C10orf90: variants seen among roughly 807,000 people sequenced by gnomAD.
C10orf90 encodes chromosome 10 open reading frame 90.
Under a neutral mutation model 62.5 loss-of-function variants are expected in C10orf90, and 56 were observed. The observed-to-expected ratio is 0.90, with a 90% confidence interval of 0.72 to 1.12. The LOEUF is 1.12. Among genes scored for constraint, C10orf90 ranks in the 50% most tolerant of loss-of-function variants. The pLI, the probability that C10orf90 is intolerant of heterozygous loss-of-function variation, is 0.00. For missense variants in C10orf90, 970 were observed against 880.4 expected (o/e 1.10, Z -1.29); for synonymous variants, 386 against 340.4 (o/e 1.13, Z -1.47).
chr10:126,493,874 C>G (rs1235225328), intron 4 of C10orf90, among the ~76,000 whole-genome samples: 1 of 152,214 alleles, frequency 6.6e-6, no homozygotes, highest in Non-Finnish European at 1.5e-5. Context: ...CGTAAATTCT[C>G]CCTGATGTCT....
Position 126,425,095 on chromosome 10 carries a change from A to G in C10orf90, c.*769T>C, listed in dbSNP as rs1044959433. 6.6e-6 allele frequency: 1 copy of G among 152,254 alleles called. No individual in the cohort carries two copies. Among genetic ancestry groups the G allele is most frequent in the African/African-American group, 2.4e-5 (1 of 41,472 alleles). The allele number at this position is 152,254 out of a possible 1,614,324, so 9.4% of individuals were successfully genotyped here. A position where few individuals can be genotyped will look rare whatever the true frequency, so the allele number is the denominator to read the frequency against. On this transcript the variant is annotated 3_prime_UTR_variant, in exon 10 of 10. Coordinates refer to ENST00000488181, the MANE Select transcript of C10orf90 (RefSeq NM_001350921.2). The stretch of plus-strand genomic sequence containing the variant: ...GACATATTTATAAATAATGTGTATT[A>G]TAAACATTTGGAAGAACAGACAGCA...
At chr10:126,482,366 G>T (rs182536163) in intron 4 of C10orf90, among the ~76,000 whole-genome samples, 33 of 152,296 alleles carry the variant, frequency 2.2e-4, no homozygotes, top group Admixed American at 1.9e-3. Context: ...CAATTGCCAT[G>T]AGCAACAATG....
chr10:126,449,793 T>C (rs1859048458), intron 7 of C10orf90, among the ~76,000 whole-genome samples: 2 of 151,928 alleles, frequency 1.3e-5, no homozygotes, highest in African/African-American at 2.4e-5. Flanking sequence ...GGTCAGGAGT[T>C]TGAAACGAGC....
Position 126,429,958 on chromosome 10 carries a change from C to T in C10orf90, c.2189-108G>A, listed in dbSNP as rs1857476717. 4.0e-6 allele frequency: 4 copies of T among 991,800 alleles called. No homozygotes were observed. The South Asian group carries it at 5.8e-5, about 14-fold the overall frequency. The allele number at this position is 991,800 out of a possible 1,614,324, so 61.4% of individuals were successfully genotyped here. ...TCCGTTAATTGATCCTTATTCTAAG[C>T]CATATCCTGAGTCTAAGCAGAACTC... On this transcript the variant is annotated intron_variant, in intron 7 of 9. Coordinates refer to ENST00000488181, the MANE Select transcript of C10orf90 (RefSeq NM_001350921.2).
intron 2 of C10orf90, among the ~76,000 whole-genome samples, chr10:126,617,413 G>A (rs1845563070): frequency 6.6e-6 from 1 of 152,184 alleles, no homozygotes. Context: ...CTAAATACCT[G>A]CTCAGGGATA....
chr10:126,663,597 G>T (rs1374302870), intron 1 of C10orf90, among the ~76,000 whole-genome samples: 2 of 152,074 alleles, frequency 1.3e-5, no homozygotes, highest in African/African-American at 4.8e-5. Context: ...TGCACGCAGT[G>T]GTCCTGGCTT....
chr10:126,556,334 G>A (rs775526224), intron 2 of C10orf90, among the ~76,000 whole-genome samples: 1 of 152,174 alleles, frequency 6.6e-6, no homozygotes, highest in Non-Finnish European at 1.5e-5. Context: ...ACTCTGCAAA[G>A]GGCGCTCCCT....
chr10:126,644,396 C>A (rs1172305062), intron 2 of C10orf90, among the ~76,000 whole-genome samples: 1 of 152,232 alleles, frequency 6.6e-6, no homozygotes. Flanking sequence ...CGGGAAGACA[C>A]AGAAAACATG....
intron 2 of C10orf90, among the ~76,000 whole-genome samples, chr10:126,582,199 T>C (rs1591119112): frequency 6.6e-6 from 1 of 152,188 alleles, no homozygotes; most frequent in Non-Finnish European, 1.5e-5. Flanking sequence ...AGGGACTTTG[T>C]GGTATGTAAC....
chr10:126,587,232 G>A (rs539461193), intron 2 of C10orf90, among the ~76,000 whole-genome samples: 1 of 152,274 alleles, frequency 6.6e-6, no homozygotes, highest in East Asian at 1.9e-4. Flanking sequence ...GGGATCTGGG[G>A]CATTTAAAGA....
At chr10:126,446,085 A>T (rs997052568) in intron 7 of C10orf90, among the ~76,000 whole-genome samples, 53 of 152,158 alleles carry the variant, frequency 3.5e-4, no homozygotes, top group African/African-American at 1.3e-3. Context: ...GTACATCAAA[A>T]TCTCACAAAT....
chr10:126,455,247 C>T (rs1036554815), intron 7 of C10orf90, among the ~76,000 whole-genome samples: 14 of 152,168 alleles, frequency 9.2e-5, no homozygotes, highest in African/African-American at 3.4e-4. Flanking sequence ...CCGCCCATCC[C>T]CATTTTACCA....
chr10:126,503,951 A>G lies in C10orf90; in HGVS notation c.1534+6T>C, dbSNP rs773977724. The G allele has an allele frequency of 1.9e-5, 31 of 1,604,326 alleles. No homozygotes were observed. In the Middle Eastern group the frequency reaches 1.5e-3, roughly 78 times the overall value. ...TCACCCTCCTGCAGATGGACGCACC[A>G]CTCACCTGCCCTGTAACTCCAGCCA... On this transcript the variant is annotated splice_donor_region_variant and intron_variant, in intron 4 of 9. Transcript: ENST00000488181.
intron 2 of C10orf90, among the ~76,000 whole-genome samples, chr10:126,575,813 G>T (rs1489938631): frequency 2.6e-5 from 4 of 152,000 alleles, no homozygotes; most frequent in Admixed American, 2.6e-4. Flanking sequence ...AAGGTGCCAA[G>T]AACACTCATT....
chr10:126,645,441 C>T (rs976823115), intron 2 of C10orf90, among the ~76,000 whole-genome samples: 7 of 151,056 alleles, frequency 4.6e-5, no homozygotes, highest in Non-Finnish European at 8.9e-5. Context: ...AACAAAACAA[C>T]TAGCTAGGGA....
intron 2 of C10orf90, among the ~76,000 whole-genome samples, chr10:126,598,149 G>T (rs1307189902): frequency 6.6e-6 from 1 of 152,168 alleles, no homozygotes; most frequent in African/African-American, 2.4e-5. Context: ...AACTGTCCTA[G>T]GGATCTCAAT....
chr10:126,612,403 C>T (rs1429724969), intron 2 of C10orf90, among the ~76,000 whole-genome samples: 2 of 152,106 alleles, frequency 1.3e-5, no homozygotes, highest in Admixed American at 6.5e-5. Context: ...AACACATTTC[C>T]ATCATTGTAG....
At chr10:126,539,108 G>A (rs1009347263) in intron 2 of C10orf90, among the ~76,000 whole-genome samples, 1 of 152,212 alleles carries the variant, frequency 6.6e-6, no homozygotes, top group African/African-American at 2.4e-5. Flanking sequence ...AGTCCCCACA[G>A]TCCCAGCTCA....
intron 1 of C10orf90, among the ~76,000 whole-genome samples, chr10:126,659,977 G>A (rs978426589): frequency 3.3e-5 from 5 of 152,266 alleles, no homozygotes; most frequent in Admixed American, 6.5e-5. Flanking sequence ...CACATGGTGA[G>A]CTAGAGCAGA....
Sources: allele counts gnomAD v4.1 joint callset (sites outside exome capture counted in the v4.1 genomes callset), GRCh38; gene constraint gnomAD v4.1.1; transcripts MANE v1.5; gene names NCBI Gene and HGNC (gene_info 2026-07-23, HGNC 2026-07-21).